ZNF333: variants seen among roughly 807,000 people sequenced by gnomAD.
ZNF333 encodes the protein zinc finger protein 333.
A neutral mutation model predicts 76.1 loss-of-function variants in ZNF333; 61 were observed. That is an observed-to-expected ratio of 0.80 (90% CI 0.65 to 0.99). The LOEUF (loss-of-function observed/expected upper bound fraction) is 0.99, where lower values mean the gene tolerates loss of function less well. Ranked by LOEUF, ZNF333 falls within the 50% of genes least tolerant of loss-of-function variation. ZNF333 has a pLI of 0.00. For synonymous variants in ZNF333, 284 were observed against 305.0 expected, an observed-to-expected ratio of 0.93 and a Z score of 0.72; for missense variants, 717 against 822.4, an observed-to-expected ratio of 0.87 and a Z score of 1.57.
At chr19:14,714,932 A>G in intron 7 of ZNF333, 1 of 158,954 alleles carries the variant, frequency 6.3e-6, no homozygotes, top group Non-Finnish European at 1.4e-5. Context: ...GGGGAGGAAA[A>G]GCTGTCCCAA....
Position 14,721,523 on chromosome 19 carries a change from A to G in ZNF333, c.*2198A>G, listed in dbSNP as rs1401151747. On this transcript the variant is annotated 3_prime_UTR_variant, in exon 12 of 12. Coordinates refer to ENST00000292530, the MANE Select transcript of ZNF333 (RefSeq NM_032433.4). Reference sequence around the variant, plus strand: ...TTTTCCTGTTCATGTAAATGGAACCATAAACAGCCCTCTTGTGTCTGTTTT... The same window carrying G: ...TTTTCCTGTTCATGTAAATGGAACCGTAAACAGCCCTCTTGTGTCTGTTTT... 1 of 152,190 alleles carries G rather than the reference A, an allele frequency of 6.6e-6. No individual in the cohort carries two copies. Among genetic ancestry groups the G allele is most frequent in the Admixed American group, 6.5e-5 (1 of 15,282 alleles). 9.4% of individuals were successfully genotyped at this position (152,190 alleles called of 1,614,324 possible).
chr19:14,711,821 C>T (rs1211741109), intron 7 of ZNF333, among the ~76,000 whole-genome samples: 1 of 151,970 alleles, frequency 6.6e-6, no homozygotes, highest in Non-Finnish European at 1.5e-5. Flanking sequence ...GCTTCCAATC[C>T]AGTGAGGATG....
In ZNF333 at chr19:14,698,935, T is replaced by TAGATAGATAGATATATATAC. The variant is rs1180611568; in HGVS notation, c.224-263_224-262insGATAGATAGATATATATACA. Reference sequence around the variant, plus strand: ...ATATATATATATATATATATATATATACACACATATATATTTTCAATTTTA... The same window carrying TAGATAGATAGATATATATAC: ...ATATATATATATATATATATATATATAGATAGATAGATATATATACACACACATATATATTTTCAATTTTA... On this transcript the variant is annotated intron_variant, in intron 4 of 11. Coordinates refer to ENST00000292530, the MANE Select transcript of ZNF333 (RefSeq NM_032433.4). Among the ~76,000 whole-genome samples, 35 of 139,360 alleles carry TAGATAGATAGATATATATAC rather than the reference T, an allele frequency of 2.5e-4. No homozygotes were observed. The South Asian group carries it at 4.7e-3, about 19-fold the overall frequency. 91.4% of individuals were successfully genotyped at this position (139,360 alleles called of 152,430 possible).
At chr19:14,692,877 C>T (rs1209463870) in intron 1 of ZNF333, among the ~76,000 whole-genome samples, 1 of 150,928 alleles carries the variant, frequency 6.6e-6, no homozygotes, top group African/African-American at 2.4e-5. Context: ...GGCTGCAATG[C>T]CGTGGCACGA....
intron 5 of ZNF333, 33 bp downstream of exon 5, chr19:14,699,314 C>T (rs1568528835): frequency 6.3e-7 from 1 of 1,585,406 alleles, no homozygotes; most frequent in Admixed American, 1.7e-5. Context: ...CGGCTCCCAG[C>T]ATGGGAGAAG....
chr19:14,693,609 G>A (rs1251492736), intron 2 of ZNF333, 115 bp downstream of exon 2: 8 of 1,291,098 alleles, frequency 6.2e-6, no homozygotes, highest in Non-Finnish European at 8.5e-6. Flanking sequence ...AGAAAGGGAA[G>A]GGTGAGTGAG....
In ZNF333 at chr19:14,699,188, A is replaced by C. The variant is rs758228979; in HGVS notation, c.224-11A>C. 2 of 1,611,254 alleles carry C rather than the reference A, an allele frequency of 1.2e-6. No individual in the cohort carries two copies. Among genetic ancestry groups the C allele is most frequent in the African/African-American group, 2.7e-5 (2 of 74,756 alleles). ...CTGAAAGGAGTTCATTTTTTCTCCC[A>C]TTCATTTCAGCCTGGGAATCTCAAC... On this transcript the variant is annotated splice_polypyrimidine_tract_variant and intron_variant, in intron 4 of 11. Transcript: ENST00000292530.
chr19:14,705,944 C>G (rs2042097095), intron 6 of ZNF333: 3 of 377,594 alleles, frequency 7.9e-6, no homozygotes, highest in Admixed American at 3.1e-5. Flanking sequence ...TAAGGCACGT[C>G]CTGAGCCCTG....
rs373968193 is a variant in ZNF333, at chr19:14,719,904, G to A, written c.*579G>A. 7.1e-6 allele frequency: 7 copies of A among 985,388 alleles called. No individual in the cohort carries two copies. Among genetic ancestry groups the A allele is most frequent in the Admixed American group, 1.2e-4 (2 of 16,266 alleles). 61.0% of individuals were successfully genotyped at this position (985,388 alleles called of 1,614,324 possible). A position where few individuals can be genotyped will look rare whatever the true frequency, so the allele number is the denominator to read the frequency against. The stretch of plus-strand genomic sequence containing the variant: ...CACTATTAAAAAGCTTCCATCTCCC[G>A]GCTGGGCACGGTGGCTCATGCCTCT... On this transcript the variant is annotated 3_prime_UTR_variant, in exon 12 of 12. Transcript: ENST00000292530.
In ZNF333 at chr19:14,718,913, CAG is replaced by C. The variant is rs745999234; in HGVS notation, c.1587_1588del (p.Lys532ThrfsTer3). ...CTGAACGTGCACAAGAGGATACACA[CAG>C]GGGAGAAACTGTATGAGTGCGCGAC... On this transcript the variant is annotated frameshift_variant, in exon 12 of 12. Transcript: ENST00000292530. LOFTEE classifies it high-confidence loss of function. 4.5e-4 allele frequency: 721 copies of C among 1,614,170 alleles called. 1 individual carries two copies. Among genetic ancestry groups the C allele is most frequent in the Non-Finnish European group, 5.5e-4 (648 of 1,180,012 alleles).
intron 2 of ZNF333, among the ~76,000 whole-genome samples, chr19:14,694,548 G>GT (rs1568520681): frequency 1.3e-5 from 2 of 152,058 alleles, no homozygotes; most frequent in Non-Finnish European, 2.9e-5. Flanking sequence ...AATTAAGGAC[G>GT]TAAGTCTTGG....
chr19:14,727,365 C>T (rs558585777), intron 11 of ZNF333, among the ~76,000 whole-genome samples: 1 of 152,266 alleles, frequency 6.6e-6, no homozygotes, highest in South Asian at 2.1e-4. Context: ...GTTTTGCAGG[C>T]TGCACAAACA....
At chr19:14,707,549 CTTT>C (rs751633025) in intron 7 of ZNF333, among the ~76,000 whole-genome samples, 2 of 115,674 alleles carry the variant, frequency 1.7e-5, no homozygotes, top group Non-Finnish European at 3.4e-5. Flanking sequence ...AGCTTTGTTT[CTTT>C]TTTTTTTTTT....
rs778907271 is a variant in ZNF333 at position 14,695,656 on chromosome 19, G to A, written c.218G>A (p.Gly73Asp). ...ATERGILRAT[G>D]VAWESQLKPE... Reference sequence around the variant, plus strand: ...GAACGAGGGATTCTCCGTGCCACAGGTGTTGGTGAGTACCAGGCAGGCTGT... The same window carrying A: ...GAACGAGGGATTCTCCGTGCCACAGATGTTGGTGAGTACCAGGCAGGCTGT... The change falls in exon 4 of 12, where the codon GGT (glycine) becomes GAT (aspartate). Residue 73 changes from glycine to aspartate, a missense_variant. Physicochemically the swap from Gly to Asp is moderately conservative, Grantham distance 94. Coordinates refer to ENST00000292530, the MANE Select transcript of ZNF333 (RefSeq NM_032433.4). 1.2e-6 allele frequency: 2 copies of A among 1,614,078 alleles called. No individual in the cohort carries two copies. The highest frequency in any genetic ancestry group is 1.1e-5 in the South Asian group (1 of 91,076).
intron 3 of ZNF333, 115 bp downstream of exon 3, chr19:14,695,248 G>A: frequency 7.2e-7 from 1 of 1,389,524 alleles, no homozygotes; most frequent in Non-Finnish European, 9.6e-7. Context: ...AGCGTCCACA[G>A]GATGACAAAG....
intron 4 of ZNF333, among the ~76,000 whole-genome samples, chr19:14,696,731 CTTTTTT>C (rs55742444): frequency 0.056 from 4,604 of 82,876 alleles, 100 homozygotes; most frequent in East Asian, 0.15. Context: ...ACCTAATCAC[CTTTTTT>C]TTTTTTTTTT....
downstream of ZNF333, among the ~76,000 whole-genome samples, chr19:14,722,379 G>A (rs1056474238): frequency 6.6e-6 from 1 of 152,144 alleles, no homozygotes; most frequent in African/African-American, 2.4e-5. Context: ...ACACACGTTG[G>A]GCTTTTCCTT....
chr19:14,716,040 C>A, intron 8 of ZNF333, 72 bp from the exon 9 acceptor site: 1 of 1,593,280 alleles, frequency 6.3e-7, no homozygotes, highest in South Asian at 1.1e-5. Flanking sequence ...CCCAGGCTTG[C>A]CAGCCTCCAG....
rs559399130 is a variant in ZNF333, at chr19:14,720,235, A to G, written c.*910A>G. 138 of 985,404 alleles carry G rather than the reference A, an allele frequency of 1.4e-4. 2 individuals are homozygous for G. In the African/African-American group the frequency reaches 2.1e-3, roughly 15 times the overall value. The allele number at this position is 985,404 out of a possible 1,614,324, so 61.0% of individuals were successfully genotyped here. ...CTTCCATCTCCCAGCCCTTCTTGCA[A>G]GCAAGGGCAGGCCATTTCCTCCGGT... On this transcript the variant is annotated 3_prime_UTR_variant, in exon 12 of 12. Transcript: ENST00000292530.
Sources: allele counts gnomAD v4.1 joint callset (sites outside exome capture counted in the v4.1 genomes callset), GRCh38; gene constraint gnomAD v4.1.1; transcripts MANE v1.5; gene names NCBI Gene and HGNC (gene_info 2026-07-23, HGNC 2026-07-21).